The following SAMD3 variants were observed in gnomAD, a reference collection of about 807,000 sequenced individuals.
The protein encoded by SAMD3 is sterile alpha motif domain-containing protein 3.
In SAMD3, 63 loss-of-function variants were observed where a neutral mutation model predicts 58.5. That is an observed-to-expected ratio of 1.08 (90% CI 0.88 to 1.33). The LOEUF (loss-of-function observed/expected upper bound fraction) is 1.33. SAMD3 is among the 40% of genes most tolerant of loss of function. SAMD3 has a pLI of 0.00. For missense variants in SAMD3, 604 were observed against 608.4 expected, an observed-to-expected ratio of 0.99 and a Z score of 0.08; for synonymous variants, 220 against 210.3, an observed-to-expected ratio of 1.05 and a Z score of -0.40.
chr6:130,270,291 C>G, intron 2 of SAMD3, among the ~76,000 whole-genome samples: 1 of 152,184 alleles, frequency 6.6e-6, no homozygotes, highest in Admixed American at 6.5e-5. Flanking sequence ...TGGGGTTTCA[C>G]CATGTTGGCC....
chr6:130,265,381 T>G (rs1774303566), intron 2 of SAMD3, among the ~76,000 whole-genome samples: 1 of 152,136 alleles, frequency 6.6e-6, no homozygotes, highest in Non-Finnish European at 1.5e-5. Flanking sequence ...CAGTCACACC[T>G]GGAAGCTGAC....
At chr6:130,242,572 T>C (rs1042456774) in intron 2 of SAMD3, among the ~76,000 whole-genome samples, 10 of 152,342 alleles carry the variant, frequency 6.6e-5, no homozygotes, top group South Asian at 2.1e-4. Flanking sequence ...ATGAGGGCTA[T>C]ACTTCTTTGA....
upstream of SAMD3, among the ~76,000 whole-genome samples, chr6:130,227,300 G>A (rs373064084): frequency 6.6e-5 from 10 of 152,156 alleles, no homozygotes; most frequent in East Asian, 5.8e-4. Context: ...TGTGAGAATC[G>A]CCTTCATTTT....
intron 2 of SAMD3, among the ~76,000 whole-genome samples, chr6:130,263,595 G>A (rs149118060): frequency 1.6e-3 from 236 of 152,212 alleles, no homozygotes; most frequent in South Asian, 7.5e-3. Context: ...AATTTAACTC[G>A]TTTCATCTAC....
chr6:130,308,746 C>T (rs1420792292), intron 2 of SAMD3, among the ~76,000 whole-genome samples: 1 of 152,032 alleles, frequency 6.6e-6, no homozygotes, highest in Non-Finnish European at 1.5e-5. Flanking sequence ...TACTGATTCA[C>T]AATTGCCATT....
Position 130,318,212 on chromosome 6 carries a change from A to T in SAMD3, c.-303-5119T>A, listed in dbSNP as rs565267360. Among the ~76,000 whole-genome samples the T allele has an allele frequency of 7.2e-5, 11 of 152,256 alleles. No individual in the cohort carries two copies. In the East Asian group the frequency reaches 2.1e-3, roughly 29 times the overall value. ...GGCATTTGAGTAGAGTACTCAGAAG[A>T]ATTTTGCCTCATTAGTACAGCTAAA... On this transcript the variant is annotated intron_variant, in intron 1 of 13. Transcript: ENST00000368134.
intron 2 of SAMD3, among the ~76,000 whole-genome samples, chr6:130,260,439 C>A (rs571177124): frequency 6.6e-6 from 1 of 152,214 alleles, no homozygotes; most frequent in Non-Finnish European, 1.5e-5. Context: ...TTGATCACGA[C>A]CCTCTCTCAC....
intron 2 of SAMD3, among the ~76,000 whole-genome samples, chr6:130,257,047 T>C (rs530685970): frequency 6.6e-6 from 1 of 152,290 alleles, no homozygotes; most frequent in African/African-American, 2.4e-5. Flanking sequence ...AATATGACTA[T>C]GTCTGGAGAA....
intron 5 of SAMD3, among the ~76,000 whole-genome samples, chr6:130,205,830 G>C (rs1278094032): frequency 6.6e-6 from 1 of 152,230 alleles, no homozygotes; most frequent in East Asian, 1.9e-4. Context: ...GCCTGGCCTG[G>C]AATGTCACCA....
chr6:130,235,690 G>A (rs1330761784), intron 2 of SAMD3, among the ~76,000 whole-genome samples: 1 of 152,170 alleles, frequency 6.6e-6, no homozygotes, highest in Non-Finnish European at 1.5e-5. Flanking sequence ...TAATAATAGA[G>A]TAATTGCTTC....
chr6:130,335,384 C>T (rs1251869918), intron 1 of SAMD3, among the ~76,000 whole-genome samples: 2 of 152,196 alleles, frequency 1.3e-5, no homozygotes, highest in South Asian at 2.1e-4. Context: ...GAGACAATTC[C>T]ATTAATGCAT....
chr6:130,324,781 T>TC (rs1206972160), intron 1 of SAMD3, among the ~76,000 whole-genome samples: 1 of 151,818 alleles, frequency 6.6e-6, no homozygotes, highest in African/African-American at 2.4e-5. Context: ...CATTTTTTTT[T>TC]TTTTGGAATA....
intron 2 of SAMD3, among the ~76,000 whole-genome samples, chr6:130,230,111 T>C (rs558303093): frequency 6.6e-6 from 1 of 152,246 alleles, no homozygotes; most frequent in East Asian, 1.9e-4. Context: ...TTAAAGAAAA[T>C]AACACAGATT....
intron 7 of SAMD3, among the ~76,000 whole-genome samples, chr6:130,180,734 C>T (rs1460813722): frequency 6.6e-6 from 1 of 152,074 alleles, no homozygotes; most frequent in Non-Finnish European, 1.5e-5. Flanking sequence ...ACTGGGTGGA[C>T]AGAGTGCTAC....
At chr6:130,231,048 T>C (rs73614579) in intron 2 of SAMD3, among the ~76,000 whole-genome samples, 9 of 152,196 alleles carry the variant, frequency 5.9e-5, no homozygotes, top group Non-Finnish European at 1.0e-4. Flanking sequence ...TTAAAAATTG[T>C]GTGCATGGGT....
chr6:130,194,680 G>A (rs184602151), intron 5 of SAMD3, among the ~76,000 whole-genome samples: 114 of 152,278 alleles, frequency 7.5e-4, no homozygotes, highest in Admixed American at 2.6e-3. Context: ...CCTAAGCCGC[G>A]TCCCATCTGT....
At chr6:130,205,292 A>ATATTT (rs138271256) in intron 5 of SAMD3, among the ~76,000 whole-genome samples, 75 of 151,082 alleles carry the variant, frequency 5.0e-4, no homozygotes, top group African/African-American at 1.7e-3. Context: ...CTATTTTATT[A>ATATTT]TATTTTATTT....
chr6:130,253,995 A>G (rs995293487), intron 2 of SAMD3, among the ~76,000 whole-genome samples: 4 of 151,566 alleles, frequency 2.6e-5, no homozygotes, highest in African/African-American at 9.7e-5. Context: ...TGCTGTAGTT[A>G]CCCATCTTTT....
At chr6:130,326,860 A>T (rs1397158194) in intron 1 of SAMD3, among the ~76,000 whole-genome samples, 2 of 152,184 alleles carry the variant, frequency 1.3e-5, no homozygotes, top group Non-Finnish European at 2.9e-5. Flanking sequence ...TCATCCAACC[A>T]CAGGCACTAC....
Sources: allele counts gnomAD v4.1 joint callset (sites outside exome capture counted in the v4.1 genomes callset), GRCh38; gene constraint gnomAD v4.1.1; transcripts MANE v1.5; gene names NCBI Gene and HGNC (gene_info 2026-07-23, HGNC 2026-07-21).